PXDNL: variants seen among roughly 807,000 people sequenced by gnomAD.
PXDNL encodes the protein probable oxidoreductase PXDNL.
A neutral mutation model predicts 150.8 loss-of-function variants in PXDNL; 145 were observed. That is an observed-to-expected ratio of 0.96 (90% confidence interval 0.84 to 1.10). The LOEUF (loss-of-function observed/expected upper bound fraction) is 1.10, where lower values mean the gene tolerates loss of function less well. Among genes scored for constraint, PXDNL ranks in the 50% least tolerant of loss-of-function variants. The probability of loss-of-function intolerance (pLI) is 0.00; values close to 1 mark genes in which losing one functional copy is unlikely to be tolerated. For synonymous variants in PXDNL, 757 were observed against 725.7 expected (o/e 1.04, Z -0.69); for missense variants, 2,087 against 1,873.9 (o/e 1.11, Z -2.10).
intron 1 of PXDNL, among the ~76,000 whole-genome samples, chr8:51,774,190 G>A (rs1401012635): frequency 6.6e-6 from 1 of 152,168 alleles, no homozygotes; most frequent in African/African-American, 2.4e-5. Context: ...AACTTTAAGT[G>A]ACTGTTTAAA....
chr8:51,379,166 G>A (rs1433421151), intron 17 of PXDNL, among the ~76,000 whole-genome samples: 1 of 151,998 alleles, frequency 6.6e-6, no homozygotes, highest in Non-Finnish European at 1.5e-5. Flanking sequence ...AGTTCCAGTG[G>A]CAGCTCCGAT....
At chr8:51,789,025 C>CT (rs550725392) in intron 1 of PXDNL, among the ~76,000 whole-genome samples, 18 of 151,934 alleles carry the variant, frequency 1.2e-4, no homozygotes, top group Non-Finnish European at 2.1e-4. Context: ...TTTTCTTTTT[C>CT]TTTTTTTTAA....
intron 14 of PXDNL, among the ~76,000 whole-genome samples, chr8:51,418,911 T>A (rs1279968027): frequency 6.6e-6 from 1 of 151,994 alleles, no homozygotes; most frequent in East Asian, 1.9e-4. Context: ...AGGAGTCACA[T>A]AAAGAAGAGA....
intron 1 of PXDNL, among the ~76,000 whole-genome samples, chr8:51,692,301 C>A (rs1816020975): frequency 6.6e-6 from 1 of 151,934 alleles, no homozygotes; most frequent in Non-Finnish European, 1.5e-5. Context: ...AAAAAGAAGT[C>A]CAGAGAAAGA....
chr8:51,603,590 T>C lies in PXDNL; in HGVS notation c.237-10892A>G, dbSNP rs188547951. 2.3e-4 allele frequency among the ~76,000 whole-genome samples: 35 copies of C among 152,220 alleles called. No individual in the cohort carries two copies. The East Asian group carries it at 6.5e-3, about 28-fold the overall frequency. Reference sequence around the variant, plus strand: ...TATACTTCCTTATTATATTTCCTTATTGTTTTTAACCATTTCTAAGGTGAA... The same window carrying C: ...TATACTTCCTTATTATATTTCCTTACTGTTTTTAACCATTTCTAAGGTGAA... On this transcript the variant is annotated intron_variant, in intron 2 of 22. Transcript: ENST00000356297.
intron 1 of PXDNL, among the ~76,000 whole-genome samples, chr8:51,784,880 A>G (rs2037446486): frequency 6.6e-6 from 1 of 152,212 alleles, no homozygotes; most frequent in East Asian, 1.9e-4. Context: ...CCCTCTTTTT[A>G]GCAGGAAAAA....
chr8:51,708,615 A>G (rs1177683812), intron 1 of PXDNL, among the ~76,000 whole-genome samples: 1 of 152,220 alleles, frequency 6.6e-6, no homozygotes, highest in South Asian at 2.1e-4. Context: ...CAGAGAGCTC[A>G]TAGATACGGA....
chr8:51,796,328 C>A (rs1285620350), intron 1 of PXDNL, among the ~76,000 whole-genome samples: 2 of 144,616 alleles, frequency 1.4e-5, no homozygotes, highest in African/African-American at 2.6e-5. Flanking sequence ...GATAGAGACA[C>A]ACACAACAAC....
chr8:51,785,892 T>G (rs1416058721), intron 1 of PXDNL, among the ~76,000 whole-genome samples: 1 of 152,218 alleles, frequency 6.6e-6, no homozygotes, highest in Non-Finnish European at 1.5e-5. Flanking sequence ...GAGGAAGGCA[T>G]GTCAAAAGCC....
At chr8:51,786,650 T>C (rs564141437) in intron 1 of PXDNL, among the ~76,000 whole-genome samples, 255 of 152,154 alleles carry the variant, frequency 1.7e-3, no homozygotes, top group African/African-American at 5.9e-3. Flanking sequence ...TTCATGAAGT[T>C]TAAGGAAAGA....
chr8:51,726,646 TCAA>T (rs1195109317), intron 1 of PXDNL, among the ~76,000 whole-genome samples: 2 of 152,186 alleles, frequency 1.3e-5, no homozygotes, highest in Admixed American at 1.3e-4. Flanking sequence ...CCTAGAATGT[TCAA>T]CGTTACATGA....
intron 2 of PXDNL, among the ~76,000 whole-genome samples, chr8:51,648,330 G>A (rs891687534): frequency 6.6e-6 from 1 of 152,142 alleles, no homozygotes; most frequent in Non-Finnish European, 1.5e-5. Flanking sequence ...TATTCAGAGT[G>A]GGCCCTTAAT....
intron 1 of PXDNL, among the ~76,000 whole-genome samples, chr8:51,706,528 T>C (rs944120683): frequency 6.6e-6 from 1 of 152,190 alleles, no homozygotes; most frequent in Non-Finnish European, 1.5e-5. Flanking sequence ...AACAACTACT[T>C]ATTTTAACAT....
intron 2 of PXDNL, among the ~76,000 whole-genome samples, chr8:51,652,718 A>G (rs927586022): frequency 6.6e-6 from 1 of 152,216 alleles, no homozygotes; most frequent in Admixed American, 6.5e-5. Context: ...ACCACAAAGC[A>G]TGAAAGAAAG....
intron 3 of PXDNL, among the ~76,000 whole-genome samples, chr8:51,591,616 G>A (rs371526452): frequency 6.0e-4 from 90 of 149,120 alleles, no homozygotes; most frequent in East Asian, 1.6e-3. Flanking sequence ...GTTCATTATC[G>A]CCTTAGCATT....
chr8:51,349,483 T>A (rs1028472657), intron 19 of PXDNL, among the ~76,000 whole-genome samples: 13 of 152,188 alleles, frequency 8.5e-5, no homozygotes, highest in African/African-American at 3.1e-4. Flanking sequence ...CTCATTGCAC[T>A]CTCTCAGCAC....
At chr8:51,379,084 T>C (rs1159253575) in intron 17 of PXDNL, among the ~76,000 whole-genome samples, 1 of 152,140 alleles carries the variant, frequency 6.6e-6, no homozygotes, top group African/African-American at 2.4e-5. Flanking sequence ...CCTTCCCATT[T>C]TTTTGTCCAT....
At chr8:51,723,996 T>C (rs374843478) in intron 1 of PXDNL, among the ~76,000 whole-genome samples, 2 of 149,720 alleles carry the variant, frequency 1.3e-5, no homozygotes, top group South Asian at 2.1e-4. Context: ...GAGGGTTGAA[T>C]TGAATAGGAG....
chr8:51,770,535 G>A (rs1248198702), intron 1 of PXDNL, among the ~76,000 whole-genome samples: 1 of 152,164 alleles, frequency 6.6e-6, no homozygotes, highest in East Asian at 1.9e-4. Context: ...TGGTCCATGA[G>A]TCCAGGAAGA....
Sources: allele counts gnomAD v4.1 joint callset (sites outside exome capture counted in the v4.1 genomes callset), GRCh38; gene constraint gnomAD v4.1.1; transcripts MANE v1.5; gene names NCBI Gene and HGNC (gene_info 2026-07-23, HGNC 2026-07-21).